The following ZNF215 variants were observed in gnomAD, a reference collection of about 807,000 sequenced individuals.
ZNF215 encodes the protein zinc finger protein 215.
In ZNF215, 24 loss-of-function variants were observed where a neutral mutation model predicts 27.2. The ratio of observed to expected loss-of-function variants is 0.88; its 90% CI spans 0.64 to 1.24. ZNF215 has a LOEUF of 1.24. ZNF215 is among the 50% of genes most tolerant of loss of function. ZNF215 has a pLI of 0.00. For missense variants in ZNF215, 675 were observed against 605.7 expected (o/e 1.11, Z -1.20); for synonymous variants, 210 against 204.0 (o/e 1.03, Z -0.25).
chr11:6,943,309 G>A, intron 5 of ZNF215, 94 bp downstream of exon 5: 1 of 1,513,548 alleles, frequency 6.6e-7, no homozygotes, highest in Non-Finnish European at 8.8e-7. Flanking sequence ...GTTCACTTTT[G>A]GGTCTGGGTT....
At chr11:6,966,538 A>C (rs1179527607) in intron 5 of ZNF215, among the ~76,000 whole-genome samples, 1 of 152,184 alleles carries the variant, frequency 6.6e-6, no homozygotes, top group East Asian at 1.9e-4. Flanking sequence ...TGTGGAATCT[A>C]TAGGCATAAT....
chr11:6,958,163 G>T, downstream of ZNF215: 1 of 736,956 alleles, frequency 1.4e-6, no homozygotes, highest in Non-Finnish European at 1.7e-6. Context: ...CCTAACAAGA[G>T]AAAAGCACTC....
At chr11:6,990,082 C>T (rs1268983406), downstream of ZNF215, among the ~76,000 whole-genome samples, 1 of 152,220 alleles carries the variant, frequency 6.6e-6, no homozygotes, top group Non-Finnish European at 1.5e-5. Context: ...TAAAACCCAA[C>T]CCTGCCCCTA....
At chr11:6,935,948 G>A (rs1172718446) in intron 3 of ZNF215, among the ~76,000 whole-genome samples, 1 of 151,886 alleles carries the variant, frequency 6.6e-6, no homozygotes, top group Non-Finnish European at 1.5e-5. Context: ...ATAATCAGTG[G>A]GTCAAAAAGG....
At chr11:6,977,214 A>G (rs934345434) in intron 5 of ZNF215, among the ~76,000 whole-genome samples, 23 of 152,018 alleles carry the variant, frequency 1.5e-4, no homozygotes, top group African/African-American at 5.6e-4. Flanking sequence ...TAAATGGAAA[A>G]TTCCAGAAAT....
At chr11:6,953,681 T>A (rs562740619) in intron 6 of ZNF215, among the ~76,000 whole-genome samples, 1 of 152,350 alleles carries the variant, frequency 6.6e-6, no homozygotes, top group South Asian at 2.1e-4. Context: ...TTGGTTTGAA[T>A]TTCCTCCTGT....
Position 6,956,233 on chromosome 11 carries a change from G to A in ZNF215, c.1256G>A (p.Arg419His), listed in dbSNP as rs139686178. Residue 419 changes from arginine to histidine, a missense_variant, in exon 7 of 7, where the codon CGT becomes CAT. By Grantham distance (29) the Arg-to-His change is conservative. Transcript: ENST00000278319. ...GAATGTGGGAGATTCTTCAACCGAC[G>A]TACAAACCTTACTAAGCATCAAAAA... ...CSECGRFFNR[R>H]TNLTKHQKLH... The A allele has an allele frequency of 1.9e-5, 30 of 1,613,312 alleles. No homozygotes were observed. Among genetic ancestry groups the A allele is most frequent in the African/African-American group, 1.2e-4 (9 of 74,880 alleles).
chr11:6,979,026 C>T (rs1850890505), intron 5 of ZNF215, among the ~76,000 whole-genome samples: 1 of 151,986 alleles, frequency 6.6e-6, no homozygotes, highest in Admixed American at 6.6e-5. Context: ...ACCGTGTCCC[C>T]CATTGCCTAA....
At chr11:6,949,731 G>T (rs1335965055) in intron 6 of ZNF215, among the ~76,000 whole-genome samples, 1 of 152,134 alleles carries the variant, frequency 6.6e-6, no homozygotes, top group African/African-American at 2.4e-5. Context: ...AAGCTCTTTA[G>T]TTTAATCAGA....
chr11:6,930,113 AT>A (rs1451167157), intron 2 of ZNF215, among the ~76,000 whole-genome samples: 3 of 126,922 alleles, frequency 2.4e-5, no homozygotes, highest in Non-Finnish European at 5.3e-5. Context: ...TTTTTTTTTA[AT>A]TTTTTGAGCA....
chr11:6,988,690 A>G (rs1432116322), downstream of ZNF215: 1 of 152,208 alleles, frequency 6.6e-6, no homozygotes, highest in Non-Finnish European at 1.5e-5. Context: ...CAGCCTCCCC[A>G]TCAGAGCTGA....
At chr11:6,951,476 C>T (rs144152707) in intron 6 of ZNF215, among the ~76,000 whole-genome samples, 2,079 of 152,188 alleles carry the variant, frequency 0.014, 54 homozygotes, top group African/African-American at 0.048. Context: ...GTGTATGTGT[C>T]GAGGAATTTA....
chr11:6,943,857 A>T (rs1849722247), intron 6 of ZNF215, among the ~76,000 whole-genome samples: 1 of 152,224 alleles, frequency 6.6e-6, no homozygotes, highest in African/African-American at 2.4e-5. Flanking sequence ...CAGACACTTA[A>T]AGCTGTGTGA....
intron 5 of ZNF215, among the ~76,000 whole-genome samples, chr11:6,981,569 C>T (rs1850952911): frequency 6.6e-6 from 1 of 151,980 alleles, no homozygotes; most frequent in Non-Finnish European, 1.5e-5. Flanking sequence ...TGCCTGTTCA[C>T]TCTGATGGTA....
intron 2 of ZNF215, among the ~76,000 whole-genome samples, chr11:6,929,979 TTTAA>T (rs1224656654): frequency 1.1e-4 from 16 of 152,372 alleles, no homozygotes; most frequent in Middle Eastern, 3.4e-3. Context: ...TGAGTATTAA[TTTAA>T]TTGTTTGAAT....
chr11:6,942,968 G>A, intron 4 of ZNF215, 115 bp from the exon 5 acceptor site: 11 of 1,444,126 alleles, frequency 7.6e-6, no homozygotes, highest in Non-Finnish European at 9.3e-6. Flanking sequence ...CTCAGACATT[G>A]TCCTATCAAT....
chr11:6,957,662 T>G lies in ZNF215; in HGVS notation c.*1131T>G. 1 of 770,022 alleles carries G rather than the reference T, an allele frequency of 1.3e-6. No individual in the cohort carries two copies. The highest frequency in any genetic ancestry group is 1.6e-6 in the Non-Finnish European group (1 of 633,738). The allele number at this position is 770,022 out of a possible 1,614,324, so 47.7% of individuals were successfully genotyped here. ...CTTGTTTGTATCCATTAGTCTATGG[T>G]AAAATTGGTTTTGTTATACATCATT... On this transcript the variant is annotated 3_prime_UTR_variant, in exon 7 of 7. Coordinates refer to ENST00000278319, the MANE Select transcript of ZNF215 (RefSeq NM_013250.4).
At chr11:6,980,067 C>T (rs989077633) in intron 5 of ZNF215, among the ~76,000 whole-genome samples, 7 of 152,210 alleles carry the variant, frequency 4.6e-5, no homozygotes, top group South Asian at 2.1e-4. Flanking sequence ...GCCCAATGAT[C>T]GGTGGTTCAG....
At chr11:6,963,654 G>A (rs1850561227) in intron 5 of ZNF215, among the ~76,000 whole-genome samples, 1 of 152,058 alleles carries the variant, frequency 6.6e-6, no homozygotes, top group Admixed American at 6.6e-5. Context: ...ATACCTAGGT[G>A]TGAGATTGTT....
Sources: gnomAD v4.1 joint callset for allele counts (sites outside exome capture counted in the v4.1 genomes callset) on GRCh38, gnomAD v4.1.1 for gene constraint, MANE v1.5 for transcripts, NCBI Gene and HGNC (gene_info 2026-07-23, HGNC 2026-07-21) for gene names.